The following PKHD1L1 variants were observed in gnomAD, a reference collection of about 807,000 sequenced individuals.
PKHD1L1 encodes the protein PKHD1 like 1, also known as fibrocystin-L.
PKHD1L1 carries 434 observed loss-of-function variants against 462.9 expected under a neutral mutation model. That is an observed-to-expected ratio of 0.94 (90% CI 0.87 to 1.02). PKHD1L1 has a LOEUF of 1.02. PKHD1L1 is among the 50% of genes least tolerant of loss of function. The probability of loss-of-function intolerance (pLI) is 0.00; values close to 1 mark genes in which losing one functional copy is unlikely to be tolerated. For missense variants in PKHD1L1, 5,202 were observed against 5,096.1 expected, an observed-to-expected ratio of 1.02 and a Z score of -0.63; for synonymous variants, 1,781 against 1,750.0, an observed-to-expected ratio of 1.02 and a Z score of -0.44.
rs1396268965 is a variant in PKHD1L1, at chr8:109,396,153, T to A, written c.922+16T>A. ...CTAGTTGGAGGTATTTCTCATGGTT[T>A]TTGATATATTACTTTATTACCACAA... is the stretch of plus-strand genomic sequence containing the variant. On this transcript the variant is annotated intron_variant, in intron 11 of 77. Transcript: ENST00000378402. The A allele has an allele frequency of 6.5e-7, 1 of 1,549,252 alleles. No individual in the cohort carries two copies. The highest frequency in any genetic ancestry group is 8.8e-7 in the Non-Finnish European group (1 of 1,131,894).
chr8:109,479,951 T>C (rs1183820807), intron 54 of PKHD1L1, 40 bp from the exon 55 acceptor site: 6 of 1,502,606 alleles, frequency 4.0e-6, no homozygotes, highest in African/African-American at 2.9e-5. Context: ...AAGTTGTAGT[T>C]TATGGATTAT....
intron 2 of PKHD1L1, among the ~76,000 whole-genome samples, chr8:109,372,819 A>G (rs1202616123): frequency 3.3e-5 from 5 of 152,016 alleles, no homozygotes; most frequent in African/African-American, 4.8e-5. Flanking sequence ...ATTGATTTGC[A>G]TATATTGAAC....
chr8:109,370,338 T>C (rs1367103795), intron 2 of PKHD1L1, among the ~76,000 whole-genome samples: 1 of 152,044 alleles, frequency 6.6e-6, no homozygotes, highest in Admixed American at 6.6e-5. Context: ...GGTCTCGAAT[T>C]CCTGACCTCA....
chr8:109,386,816 A>T (rs1036494535), intron 6 of PKHD1L1, among the ~76,000 whole-genome samples: 2 of 152,128 alleles, frequency 1.3e-5, no homozygotes, highest in Admixed American at 6.6e-5. Context: ...AGAAAGTTTA[A>T]CTTTCAAAAA....
rs142162700 is a variant in PKHD1L1 at position 109,477,352 on chromosome 8, G to A, written c.9045G>A (p.Pro3015=). The A allele has an allele frequency of 2.2e-5, 35 of 1,613,132 alleles. No individual in the cohort carries two copies. Among genetic ancestry groups the A allele is most frequent in the Admixed American group, 5.0e-5 (3 of 59,918 alleles). The change falls in exon 53 of 78, where the codon CCG becomes CCA. Residue 3015 remains proline (P), a synonymous_variant. Coordinates refer to ENST00000378402, the MANE Select transcript of PKHD1L1 (RefSeq NM_177531.6). The stretch of plus-strand genomic sequence containing the variant: ...TCCAGGATTGCTTTCCTGTACATCC[G>A]CCATCAAGAAAACCAATTCCCAAGA... The part of the protein sequence containing the change: ...CILQDCFPVH[P]PSRKPIPKKR...
In PKHD1L1 at chr8:109,530,472, AG is replaced by A. The variant is rs36106650; in HGVS notation, c.*391del. On this transcript the variant is annotated 3_prime_UTR_variant, in exon 78 of 78. Coordinates refer to ENST00000378402, the MANE Select transcript of PKHD1L1 (RefSeq NM_177531.6). ...TTTTAAGTATTCTTTTTAATACTTGAGGGGGGGGGTTCTTATTTTCTCTATC... is the reference window on the plus strand; with the variant it reads ...TTTTAAGTATTCTTTTTAATACTTGAGGGGGGGGTTCTTATTTTCTCTATC... 36,025 of 151,362 alleles carry A rather than the reference AG, an allele frequency of 0.24. 4,967 individuals carry two copies. Among genetic ancestry groups the A allele is most frequent in the African/African-American group, 0.35 (14,158 of 40,800 alleles). The allele number at this position is 151,362 out of a possible 1,614,324, so 9.4% of individuals were successfully genotyped here. A position where few individuals can be genotyped will look rare whatever the true frequency, so the allele number is the denominator to read the frequency against.
At chr8:109,410,726 C>CTTTTTCTTTTTTTTTTTTTTTT (rs1813798514) in intron 19 of PKHD1L1, among the ~76,000 whole-genome samples, 1 of 68,402 alleles carries the variant, frequency 1.5e-5, no homozygotes, top group African/African-American at 8.2e-5. Flanking sequence ...TTTTCTTTTT[C>CTTTTTCTTTTTTTTTTTTTTTT]TTTTTTTTTT....
rs1032847751 is a variant in PKHD1L1, at chr8:109,526,729, T to C, written c.12485-55T>C. The C allele has an allele frequency of 6.3e-6, 9 of 1,421,082 alleles. No individual in the cohort carries two copies. In the East Asian group the frequency reaches 2.2e-4, roughly 35 times the overall value. 88.0% of individuals were successfully genotyped at this position (1,421,082 alleles called of 1,614,324 possible). ...CAATGAAAATCAAATGGGAACGGTA[T>C]GAAAACAAGTAAAACATAAAGGAAA... On this transcript the variant is annotated intron_variant, in intron 76 of 77. Transcript: ENST00000378402.
chr8:109,463,717 A>C (rs1190999514), intron 48 of PKHD1L1, among the ~76,000 whole-genome samples: 1 of 152,210 alleles, frequency 6.6e-6, no homozygotes, highest in Non-Finnish European at 1.5e-5. Context: ...AACCATAAAC[A>C]AGATGCTCAG....
Position 109,401,521 on chromosome 8 carries a change from AATGCCAACAGTT to A in PKHD1L1, c.1309_1320del (p.Ala437_Tyr440del), listed in dbSNP as rs769572031. On this transcript the variant is annotated inframe_deletion, in exon 14 of 78. Coordinates refer to ENST00000378402, the MANE Select transcript of PKHD1L1 (RefSeq NM_177531.6). ...GGTGAGGATTGCATATCATTCTGCT[AATGCCAACAGTT>A]ATTTTTCCAGTCCAACACAAAGATC... The A allele has an allele frequency of 6.3e-7, 1 of 1,590,420 alleles. No homozygotes were observed. The highest frequency in any genetic ancestry group is 1.1e-5 in the South Asian group (1 of 89,894).
chr8:109,521,698 T>A (rs1219823240), intron 73 of PKHD1L1, among the ~76,000 whole-genome samples: 1 of 152,192 alleles, frequency 6.6e-6, no homozygotes, highest in African/African-American at 2.4e-5. Flanking sequence ...CTGAAAATTG[T>A]CAAATGTCCA....
At position 109,394,421 on chromosome 8, in the gene PKHD1L1, T is replaced by C; in HGVS notation, c.747T>C (p.Phe249=). ...TTTAATCTTTTTTTAACAGGAGTTT[T>C]CCACAGAAAATGGCATATTTTGTTT... ...FILDNDYGRS[F]PQKMAYFVSS... is the part of the protein sequence containing the mutation. Residue 249 remains phenylalanine, a synonymous_variant, in exon 10 of 78, where the codon TTT becomes TTC. Transcript: ENST00000378402. 3 of 1,490,950 alleles carry C rather than the reference T, an allele frequency of 2.0e-6. No homozygotes were observed. The highest frequency in any genetic ancestry group is 2.7e-6 in the Non-Finnish European group (3 of 1,110,962). 92.4% of individuals were successfully genotyped at this position (1,490,950 alleles called of 1,614,324 possible). A position where few individuals can be genotyped will look rare whatever the true frequency, so the allele number is the denominator to read the frequency against.
chr8:109,511,571 C>T, intron 71 of PKHD1L1, among the ~76,000 whole-genome samples: 1 of 151,984 alleles, frequency 6.6e-6, no homozygotes, highest in East Asian at 1.9e-4. Context: ...ATATGTGCCA[C>T]ATTTTCTTAA....
At chr8:109,399,398 A>G (rs7834070) in intron 12 of PKHD1L1, among the ~76,000 whole-genome samples, 4,491 of 152,084 alleles carry the variant, frequency 0.03, 102 homozygotes, top group African/African-American at 0.057. Flanking sequence ...AAGTAAGCCT[A>G]ATTGTTGTTG....
At chr8:109,413,368 A>AAACAATGTAATGGTAATATATTGTTACAT in intron 20 of PKHD1L1, 53 bp from the exon 21 acceptor site, 1 of 1,206,136 alleles carries the variant, frequency 8.3e-7, no homozygotes, top group Non-Finnish European at 1.1e-6. Context: ...AATTGTTGTG[A>AAACAATGTAATGGTAATATATTGTTACAT]AACAATGTAA....
intron 8 of PKHD1L1, among the ~76,000 whole-genome samples, chr8:109,390,182 A>G (rs12386857): frequency 1.3e-5 from 2 of 152,144 alleles, no homozygotes; most frequent in East Asian, 1.9e-4. Flanking sequence ...ATATGGTTAC[A>G]TATCTGTTCT....
At chr8:109,438,862 CTT>C in intron 31 of PKHD1L1, 33 bp from the exon 32 acceptor site, 1 of 1,456,596 alleles carries the variant, frequency 6.9e-7, no homozygotes, top group Non-Finnish European at 9.3e-7. Flanking sequence ...ACAAGTTGAA[CTT>C]TTTGCATTAT....
At chr8:109,527,119 G>C in intron 77 of PKHD1L1, 99 bp downstream of exon 77, 3 of 1,028,614 alleles carry the variant, frequency 2.9e-6, no homozygotes, top group South Asian at 3.3e-5. Flanking sequence ...TGATATCACT[G>C]TGTGCACAAA....
Position 109,408,053 on chromosome 8 carries a change from C to A in PKHD1L1, c.1818C>A (p.Asp606Glu), listed in dbSNP as rs1563745540. ...YMVTFISTRG[D>E]FDLLGYEVVE... The stretch of plus-strand genomic sequence containing the variant: ...CTGTTTGTCACTTAATTTCAGGAGA[C>A]TTTGATCTGCTTGGTTATGAAGTAG... The change falls in exon 18 of 78, where the codon GAC (aspartate) becomes GAA (glutamate). Residue 606 changes from aspartate (D) to glutamate (E), a missense_variant. By Grantham distance (45) the Asp-to-Glu change is conservative (BLOSUM62 2). This residue lies in a region of PKHD1L1 where 4,497 missense variants were observed against 4,336.8 expected (regional missense o/e 1.04). Transcript: ENST00000378402. 6.3e-7 allele frequency: 1 copy of A among 1,593,532 alleles called. No homozygotes were observed. The highest frequency in any genetic ancestry group is 8.6e-7 in the Non-Finnish European group (1 of 1,168,432).
Sources: allele counts gnomAD v4.1 joint callset (sites outside exome capture counted in the v4.1 genomes callset), GRCh38; gene constraint gnomAD v4.1.1; regional missense constraint gnomAD v4.1.1; transcripts MANE v1.5; gene names NCBI Gene and HGNC (gene_info 2026-07-23, HGNC 2026-07-21).